The following SLC36A1 variants were observed in gnomAD, a reference collection of about 807,000 sequenced individuals.
SLC36A1 encodes the protein proton-coupled amino acid transporter 1.
A neutral mutation model predicts 47.5 loss-of-function variants in SLC36A1; 30 were observed. The ratio of observed to expected loss-of-function variants is 0.63; its 90% CI spans 0.47 to 0.86. SLC36A1 has a LOEUF of 0.86. Among genes scored for constraint, SLC36A1 ranks in the 40% least tolerant of loss-of-function variants. The pLI is 0.00. For synonymous variants in SLC36A1, 255 were observed against 249.7 expected (o/e 1.02, Z -0.20); for missense variants, 517 against 606.0 (o/e 0.85, Z 1.54).
chr5:151,473,778 G>A lies in SLC36A1; in HGVS notation c.822+7G>A. On this transcript the variant is annotated splice_region_variant and intron_variant, in intron 8 of 10. Transcript: ENST00000243389. ...ATTTGAAGGCATTGGAATGGTAAGAGCTGCACTGTGATTTGGGCTAGTGTT... is the reference window on the plus strand; with the variant it reads ...ATTTGAAGGCATTGGAATGGTAAGAACTGCACTGTGATTTGGGCTAGTGTT... 6.2e-7 allele frequency: 1 copy of A among 1,605,344 alleles called. No homozygotes were observed. Among genetic ancestry groups the A allele is most frequent in the Non-Finnish European group, 8.5e-7 (1 of 1,172,068 alleles).
At chr5:151,380,896 G>T in the SLC36A1 span, 2 of 417,010 alleles carry the variant, frequency 4.8e-6, no homozygotes, top group South Asian at 1.9e-5. Context: ...AAGGGACGGG[G>T]CTGCACCTGA....
At chr5:151,344,856 A>C in the SLC36A1 span, among the ~76,000 whole-genome samples, 1 of 152,180 alleles carries the variant, frequency 6.6e-6, no homozygotes, top group Admixed American at 6.5e-5. Context: ...AAAAGGGGAA[A>C]GGGCAGGCAG....
At chr5:151,474,089 G>A (rs971567886) in intron 8 of SLC36A1, among the ~76,000 whole-genome samples, 1 of 145,952 alleles carries the variant, frequency 6.9e-6, no homozygotes, top group Admixed American at 7.0e-5. Flanking sequence ...GAACTGGGGA[G>A]ACGGAGGTTG....
the SLC36A1 span, among the ~76,000 whole-genome samples, chr5:151,409,953 T>G: frequency 6.6e-6 from 1 of 152,200 alleles, no homozygotes; most frequent in Non-Finnish European, 1.5e-5. Flanking sequence ...AATAACAACT[T>G]GCATTTGTTT....
chr5:151,407,629 C>A, the SLC36A1 span, among the ~76,000 whole-genome samples: 2 of 152,214 alleles, frequency 1.3e-5, no homozygotes, highest in African/African-American at 4.8e-5. Flanking sequence ...GAAGCCCAGC[C>A]GGCTTCACCT....
the SLC36A1 span, chr5:151,532,004 A>C: frequency 6.2e-7 from 1 of 1,608,340 alleles, no homozygotes; most frequent in South Asian, 1.1e-5. Flanking sequence ...ATCCACACTG[A>C]GGGCGCCTCC....
the SLC36A1 span, chr5:151,505,824 A>G: frequency 1.2e-6 from 2 of 1,613,372 alleles, no homozygotes; most frequent in Non-Finnish European, 8.5e-7. Context: ...ACAGGGGGCA[A>G]CCAGGCGCTC....
the SLC36A1 span, among the ~76,000 whole-genome samples, chr5:151,405,059 C>T: frequency 3.3e-5 from 5 of 152,138 alleles, no homozygotes; most frequent in African/African-American, 4.8e-5. Flanking sequence ...TACATAAGCC[C>T]ATATTTCCCA....
chr5:151,356,339 C>CAAAAAAAAAAAAAAAA, the SLC36A1 span, among the ~76,000 whole-genome samples: 368 of 51,248 alleles, frequency 7.2e-3, 30 homozygotes, highest in African/African-American at 0.011. Flanking sequence ...CTCTGTCTCA[C>CAAAAAAAAAAAAAAAA]AAAAAAAAAA....
intron 7 of SLC36A1, among the ~76,000 whole-genome samples, chr5:151,470,046 A>G (rs1319895990): frequency 2.0e-5 from 3 of 152,030 alleles, no homozygotes; most frequent in Non-Finnish European, 4.4e-5. Context: ...GCAGATATTG[A>G]CTCTTCTGCA....
the SLC36A1 span, among the ~76,000 whole-genome samples, chr5:151,404,570 G>C: frequency 6.6e-6 from 1 of 152,146 alleles, no homozygotes; most frequent in African/African-American, 2.4e-5. Flanking sequence ...TCCATGTTTA[G>C]AACTCCCTTA....
rs1756540776 is a variant in SLC36A1 at position 151,467,237 on chromosome 5, G to A, written c.458G>A (p.Gly153Glu). Reference protein sequence around the residue: ...VDFFLIVTQLGFCCVYFVFLA... With the variant: ...VDFFLIVTQLEFCCVYFVFLA... Reference sequence around the variant, plus strand: ...TTCTTCCTGATTGTCACCCAGCTGGGATTCTGCTGTGTCTATTTTGTGTTT... The same window carrying A: ...TTCTTCCTGATTGTCACCCAGCTGGAATTCTGCTGTGTCTATTTTGTGTTT... The change falls in exon 6 of 11, where the codon GGA (glycine) becomes GAA (glutamate). Residue 153 changes from glycine (G) to glutamate (E), a missense_variant. Physicochemically the swap from Gly to Glu is moderately conservative, Grantham distance 98 (BLOSUM62 -2). Coordinates refer to ENST00000243389, the MANE Select transcript of SLC36A1 (RefSeq NM_078483.4). 6.2e-7 allele frequency: 1 copy of A among 1,611,848 alleles called. No homozygotes were observed. The highest frequency in any genetic ancestry group is 8.5e-7 in the Non-Finnish European group (1 of 1,179,404).
At chr5:151,540,505 C>T in the SLC36A1 span, 1 of 1,486,706 alleles carries the variant, frequency 6.7e-7, no homozygotes, top group Non-Finnish European at 9.2e-7. Context: ...CTCTGTTCTC[C>T]CACCCCTCAC....
chr5:151,401,763 C>T, the SLC36A1 span, among the ~76,000 whole-genome samples: 1 of 151,966 alleles, frequency 6.6e-6, no homozygotes, highest in East Asian at 1.9e-4. Context: ...GTATTTTATT[C>T]TTTTTGTGGC....
chr5:151,552,339 GA>G, the SLC36A1 span, among the ~76,000 whole-genome samples: 1 of 151,984 alleles, frequency 6.6e-6, no homozygotes. Flanking sequence ...TGGTATTAAA[GA>G]AAAAAAGTCA....
chr5:151,375,027 A>G, the SLC36A1 span, among the ~76,000 whole-genome samples: 1 of 151,724 alleles, frequency 6.6e-6, no homozygotes, highest in African/African-American at 2.4e-5. Flanking sequence ...CACTTTGTTA[A>G]TTATTATTTT....
At chr5:151,541,603 G>T in the SLC36A1 span, among the ~76,000 whole-genome samples, 1 of 152,196 alleles carries the variant, frequency 6.6e-6, no homozygotes, top group Non-Finnish European at 1.5e-5. Context: ...AAGGCCACAG[G>T]AGTGAAGAAA....
the SLC36A1 span, chr5:151,509,771 G>T: frequency 2.3e-6 from 1 of 438,716 alleles, no homozygotes; most frequent in Non-Finnish European, 4.1e-6. Context: ...TGCAATAAAT[G>T]TCATGTGCTT....
downstream of SLC36A1, among the ~76,000 whole-genome samples, chr5:151,493,012 A>ATGTGTG: frequency 6.6e-6 from 1 of 151,590 alleles, no homozygotes; most frequent in African/African-American, 2.4e-5. Flanking sequence ...GTGTTCACAT[A>ATGTGTG]TGTGTGTGTG....
Sources: gnomAD v4.1 joint callset for allele counts (sites outside exome capture counted in the v4.1 genomes callset) on GRCh38, gnomAD v4.1.1 for gene constraint, MANE v1.5 for transcripts, NCBI Gene and HGNC (gene_info 2026-07-23, HGNC 2026-07-21) for gene names.